IGSF10: variants seen among roughly 807,000 people sequenced by gnomAD.
IGSF10 encodes the protein calvaria mechanical force protein 608.
A neutral mutation model predicts 128.2 loss-of-function variants in IGSF10; 126 were observed. That is an observed-to-expected ratio of 0.98 (90% CI 0.85 to 1.14). The LOEUF (loss-of-function observed/expected upper bound fraction) is 1.14, where lower values mean the gene tolerates loss of function less well. IGSF10 is among the 50% of genes most tolerant of loss of function. The pLI is 0.00. For missense variants in IGSF10, 3,295 were observed against 3,149.8 expected (o/e 1.05, Z -1.10); for synonymous variants, 1,185 against 1,146.2 (o/e 1.03, Z -0.68).
At chr3:151,530,159 G>GA in the IGSF10 span, among the ~76,000 whole-genome samples, 2 of 151,786 alleles carry the variant, frequency 1.3e-5, no homozygotes, top group African/African-American at 4.8e-5. Flanking sequence ...CAAGATTAGA[G>GA]AAAAAAGAGT....
chr3:151,514,383 T>A, the IGSF10 span, among the ~76,000 whole-genome samples: 3 of 152,188 alleles, frequency 2.0e-5, no homozygotes, highest in Non-Finnish European at 2.9e-5. Context: ...GATTCCCTAT[T>A]TAATAAATGG....
chr3:151,551,393 C>T, the IGSF10 span, among the ~76,000 whole-genome samples: 1 of 152,058 alleles, frequency 6.6e-6, no homozygotes, highest in South Asian at 2.1e-4. Context: ...CCTGCAGAAT[C>T]TATGTACACA....
the IGSF10 span, among the ~76,000 whole-genome samples, chr3:151,529,084 C>T: frequency 7.2e-5 from 11 of 152,172 alleles, no homozygotes; most frequent in East Asian, 1.2e-3. Context: ...ACAAAGCTGC[C>T]GGGAGGTTCA....
chr3:151,558,018 A>ATTATATATT, the IGSF10 span, among the ~76,000 whole-genome samples: 1 of 15,220 alleles, frequency 6.6e-5, no homozygotes, highest in Non-Finnish European at 1.1e-4. Context: ...ATATATATAT[A>ATTATATATT]ATATATATAT....
At chr3:151,484,887 G>A in the IGSF10 span, among the ~76,000 whole-genome samples, 2 of 152,154 alleles carry the variant, frequency 1.3e-5, no homozygotes, top group African/African-American at 2.4e-5. Context: ...AAACTGGAAA[G>A]CCTCTTCTCC....
the IGSF10 span, among the ~76,000 whole-genome samples, chr3:151,513,088 G>C: frequency 2.6e-5 from 4 of 152,136 alleles, no homozygotes; most frequent in Non-Finnish European, 5.9e-5. Flanking sequence ...AATAGAAAAA[G>C]AGGGAATCCT....
At chr3:151,594,306 C>CCAT in the IGSF10 span, among the ~76,000 whole-genome samples, 1 of 149,536 alleles carries the variant, frequency 6.7e-6, no homozygotes, top group South Asian at 2.1e-4. Context: ...AATAAAGATT[C>CCAT]CATTATGTAA....
chr3:151,446,850 C>G lies in IGSF10; in HGVS notation c.3131G>C (p.Arg1044Thr), dbSNP rs1721225404. 5 of 1,614,090 alleles carry G rather than the reference C, an allele frequency of 3.1e-6. No homozygotes were observed. The highest frequency in any genetic ancestry group is 4.2e-6 in the Non-Finnish European group (5 of 1,180,042). ...AGTAGTGCTTTTTTCAGAAGAACCTCTGGTTGTTGACCTGAAAATGCTGTA... is the reference window on the plus strand; with the variant it reads ...AGTAGTGCTTTTTTCAGAAGAACCTGTGGTTGTTGACCTGAAAATGCTGTA... ...HRYSIFRSTT[R>T]GSSEKSTTAF... Residue 1044 changes from arginine (R) to threonine (T), a missense_variant, in exon 6 of 8, where the codon AGA (arginine) becomes ACA (threonine). Coordinates refer to ENST00000282466, the MANE Select transcript of IGSF10 (RefSeq NM_178822.5).
chr3:151,597,801 C>A, the IGSF10 span, among the ~76,000 whole-genome samples: 8 of 151,800 alleles, frequency 5.3e-5, no homozygotes, highest in Non-Finnish European at 8.8e-5. Context: ...CCTGTAATCC[C>A]AGCTACTCAG....
At chr3:151,497,457 G>A in the IGSF10 span, among the ~76,000 whole-genome samples, 5 of 152,132 alleles carry the variant, frequency 3.3e-5, no homozygotes, top group Non-Finnish European at 7.3e-5. Context: ...GCTTGTTTTT[G>A]TCAGGTTGGT....
chr3:151,470,092 T>C, the IGSF10 span, among the ~76,000 whole-genome samples: 3 of 152,210 alleles, frequency 2.0e-5, no homozygotes, highest in African/African-American at 7.2e-5. Flanking sequence ...CCACAAGGAT[T>C]TACCAAAGCC....
chr3:151,515,385 C>T, the IGSF10 span, among the ~76,000 whole-genome samples: 227 of 146,340 alleles, frequency 1.6e-3, 1 homozygote, highest in Middle Eastern at 3.6e-3. Flanking sequence ...AACCAAACAC[C>T]GCATATTCTC....
At chr3:151,499,736 CTG>C in the IGSF10 span, 1 of 152,142 alleles carries the variant, frequency 6.6e-6, no homozygotes, top group Admixed American at 6.6e-5. Flanking sequence ...CGCTCCAACT[CTG>C]TAGCTTCTGA....
rs536971395 is a variant in IGSF10 at position 151,444,970 on chromosome 3, C to T, written c.5011G>A (p.Glu1671Lys). ...GTGGGCAGGGGATTTCCAACAGCTT[C>T]ACAGGGAAGAAAGGCATCTGAGTTA... ...PANSDAFLPCEAVGNPLPTIH... is the reference protein window; with the variant it reads ...PANSDAFLPCKAVGNPLPTIH... The change falls in exon 6 of 8, where the codon GAA becomes AAA. Residue 1671 changes from glutamate (E) to lysine (K), a missense_variant. Glu to Lys is a moderately conservative substitution (Grantham distance 56). Coordinates refer to ENST00000282466, the MANE Select transcript of IGSF10 (RefSeq NM_178822.5). 1 of 1,613,950 alleles carries T rather than the reference C, an allele frequency of 6.2e-7. No homozygotes were observed. Among genetic ancestry groups the T allele is most frequent in the East Asian group, 2.2e-5 (1 of 44,882 alleles).
chr3:151,607,772 G>A, the IGSF10 span, among the ~76,000 whole-genome samples: 3 of 151,692 alleles, frequency 2.0e-5, no homozygotes, highest in African/African-American at 4.8e-5. Context: ...TTAGCCGGGT[G>A]TGGTGGCAGG....
At chr3:151,492,695 G>T in the IGSF10 span, among the ~76,000 whole-genome samples, 1 of 152,050 alleles carries the variant, frequency 6.6e-6, no homozygotes, top group African/African-American at 2.4e-5. Flanking sequence ...TCCAGCCTGG[G>T]TGACAGTACA....
At chr3:151,546,472 T>C in the IGSF10 span, among the ~76,000 whole-genome samples, 1 of 151,894 alleles carries the variant, frequency 6.6e-6, no homozygotes, top group Non-Finnish European at 1.5e-5. Flanking sequence ...CTCAGCCTCC[T>C]GGGTAGCTGG....
chr3:151,446,993 G>T lies in IGSF10; in HGVS notation c.2988C>A (p.Ile996=), dbSNP rs1560177247. 2 of 1,614,196 alleles carry T rather than the reference G, an allele frequency of 1.2e-6. No homozygotes were observed. Among genetic ancestry groups the T allele is most frequent in the Non-Finnish European group, 8.5e-7 (1 of 1,180,038 alleles). The change falls in exon 6 of 8, where the codon ATC becomes ATA. Residue 996 remains isoleucine, a synonymous_variant. Coordinates refer to ENST00000282466, the MANE Select transcript of IGSF10 (RefSeq NM_178822.5). The stretch of plus-strand genomic sequence containing the variant: ...GGATGTTAACTGTACTATTTCTAGG[G>T]ATCGGAAACTGAGAATGAGCAGCTG... ...PHTAAHSQFP[I]PRNSTVNIPL... is the part of the protein sequence containing the mutation.
At chr3:151,548,270 G>A in the IGSF10 span, among the ~76,000 whole-genome samples, 1 of 152,152 alleles carries the variant, frequency 6.6e-6, no homozygotes, top group African/African-American at 2.4e-5. Context: ...GGCCTCATGG[G>A]GTTCCTCTGT....
Sources: allele counts gnomAD v4.1 joint callset (sites outside exome capture counted in the v4.1 genomes callset), GRCh38; gene constraint gnomAD v4.1.1; transcripts MANE v1.5; gene names NCBI Gene and HGNC (gene_info 2026-07-23, HGNC 2026-07-21).